Variants in AKT2 observed in about 807,000 individuals in gnomAD.
AKT2 encodes the protein AKT serine/threonine kinase 2, also known as RAC-beta serine/threonine-protein kinase.
A neutral mutation model predicts 58.6 loss-of-function variants in AKT2; 16 were observed. The ratio of observed to expected loss-of-function variants is 0.27; its 90% CI spans 0.18 to 0.41. The LOEUF (loss-of-function observed/expected upper bound fraction) is 0.41. Ranked by LOEUF, AKT2 falls within the 10% of genes least tolerant of loss-of-function variation. AKT2 has a pLI of 1.00. For missense variants in AKT2, 438 were observed against 661.0 expected (o/e 0.66, Z 3.70); for synonymous variants, 253 against 254.0 (o/e 1.00, Z 0.04).
chr19:40,257,301 G>A (rs1975607937), intron 2 of AKT2, among the ~76,000 whole-genome samples: 1 of 152,246 alleles, frequency 6.6e-6, no homozygotes, highest in Non-Finnish European at 1.5e-5. Context: ...GCCAGCAGCA[G>A]TGCCCTGGGG....
chr19:40,253,784 G>A (rs1054696679), intron 4 of AKT2, among the ~76,000 whole-genome samples: 2 of 152,120 alleles, frequency 1.3e-5, no homozygotes, highest in Admixed American at 1.3e-4. Context: ...ATGAGCCAAA[G>A]GCTGGAAACA....
chr19:40,245,561 C>T (rs1974697743), intron 4 of AKT2, among the ~76,000 whole-genome samples: 1 of 152,174 alleles, frequency 6.6e-6, no homozygotes, highest in African/African-American at 2.4e-5. Context: ...AAGGAACAGC[C>T]TCTAATAACA....
intron 4 of AKT2, among the ~76,000 whole-genome samples, chr19:40,246,992 C>T (rs1027066803): frequency 3.3e-5 from 5 of 152,222 alleles, no homozygotes; most frequent in Admixed American, 2.6e-4. Flanking sequence ...ACCCCACCTA[C>T]CCTGGCTCCC....
At chr19:40,269,630 T>C (rs1229625315) in intron 1 of AKT2, 2 of 152,146 alleles carry the variant, frequency 1.3e-5, no homozygotes, top group African/African-American at 2.4e-5. Flanking sequence ...TACAAAAGAC[T>C]TGTACTACAA....
intron 6 of AKT2, among the ~76,000 whole-genome samples, chr19:40,240,570 C>T (rs1332962271): frequency 1.3e-5 from 2 of 152,214 alleles, no homozygotes; most frequent in African/African-American, 4.8e-5. Flanking sequence ...TACCCCCAGG[C>T]CCACTGAGTC....
At chr19:40,240,921 G>A (rs1974366372) in intron 6 of AKT2, 1 of 153,936 alleles carries the variant, frequency 6.5e-6, no homozygotes, top group Non-Finnish European at 1.4e-5. Flanking sequence ...TGAGCAGCTG[G>A]GACTACAGGT....
At chr19:40,264,778 C>A (rs770679708) in intron 2 of AKT2, among the ~76,000 whole-genome samples, 1 of 152,062 alleles carries the variant, frequency 6.6e-6, no homozygotes, top group African/African-American at 2.4e-5. Context: ...GCACTTGCCA[C>A]CCCGACATTC....
At chr19:40,272,071 C>T (rs1254764502) in intron 1 of AKT2, among the ~76,000 whole-genome samples, 38 of 152,228 alleles carry the variant, frequency 2.5e-4, no homozygotes, top group East Asian at 1.9e-4. Context: ...TTGAGTGCTT[C>T]GCACATACCA....
rs1011787978 is a variant in AKT2 at position 40,242,229 on chromosome 19, C to T, written c.442-160G>A. The T allele has an allele frequency of 5.8e-5, 65 of 1,114,284 alleles. No homozygotes were observed. Among genetic ancestry groups the T allele is most frequent in the Middle Eastern group, 2.8e-4 (1 of 3,522 alleles). 69.0% of individuals were successfully genotyped at this position (1,114,284 alleles called of 1,614,324 possible). A position where few individuals can be genotyped will look rare whatever the true frequency, so the allele number is the denominator to read the frequency against. ...TGGGCAGCAACTGTGTGTTCTGAAG[C>T]GGCCTTCAGACCAGGCTCTGCAGGC... On this transcript the variant is annotated intron_variant, in intron 5 of 13. Coordinates refer to ENST00000392038, the MANE Select transcript of AKT2 (RefSeq NM_001626.6). The surrounding 1 kb of genome is among the most constrained non-coding windows in gnomAD (Gnocchi z 4.3).
intron 6 of AKT2, chr19:40,241,477 C>A: frequency 4.0e-6 from 1 of 249,798 alleles, no homozygotes; most frequent in Non-Finnish European, 7.9e-6. Context: ...TTAAACTGGA[C>A]AATGGCTACA....
At chr19:40,275,092 C>T (rs746647455) in intron 1 of AKT2, 1 of 456,648 alleles carries the variant, frequency 2.2e-6, no homozygotes, top group Non-Finnish European at 4.4e-6. Context: ...GGGAGAGATT[C>T]GGTGAATACC....
At chr19:40,258,868 T>G (rs1369628443) in intron 2 of AKT2, among the ~76,000 whole-genome samples, 6 of 152,116 alleles carry the variant, frequency 3.9e-5, no homozygotes, top group African/African-American at 1.2e-4. Flanking sequence ...CCTATCAAAA[T>G]TCCAACAGGC....
At position 40,256,955 on chromosome 19, in the gene AKT2, A is replaced by G. The variant is rs201917021; in HGVS notation, c.146T>C (p.Leu49Pro). Residue 49 changes from leucine to proline, a missense_variant, in exon 3 of 14, where the codon CTA (leucine) becomes CCA (proline). Physicochemically the swap from Leu to Pro is moderately conservative, Grantham distance 98 (BLOSUM62 -3). Around this residue, in one of 3 missense-constraint regions of AKT2, gnomAD observed 244 missense variants for 347.1 expected, o/e 0.70. Transcript: ENST00000392038. ...KERPEAPDQT[L>P]PPLNNFSVAE... ...TACGGAGAAGTTGTTTAAGGGGGGT[A>G]GAGTCTGATCAGGGGCCTCGGGCCT... The G allele has an allele frequency of 2.5e-6, 4 of 1,614,180 alleles. No homozygotes were observed. In the East Asian group the frequency reaches 6.7e-5, roughly 27 times the overall value.
At chr19:40,269,681 A>G (rs901063340) in intron 1 of AKT2, 1 of 152,256 alleles carries the variant, frequency 6.6e-6, no homozygotes, top group Non-Finnish European at 1.5e-5. Flanking sequence ...CAAACTGGTA[A>G]CAGACCAGGA....
At chr19:40,280,469 C>T (rs1375129767) in intron 1 of AKT2, among the ~76,000 whole-genome samples, 1 of 152,158 alleles carries the variant, frequency 6.6e-6, no homozygotes, top group East Asian at 1.9e-4. Flanking sequence ...AATCTACCCA[C>T]GCCCCCAGGC....
In AKT2 at chr19:40,235,816, G is replaced by A. The variant is rs1269732398; in HGVS notation, c.1175+74C>T. The A allele has an allele frequency of 1.3e-5, 19 of 1,454,352 alleles. No individual in the cohort carries two copies. The highest frequency in any genetic ancestry group is 1.8e-5 in the Non-Finnish European group (19 of 1,077,668). 90.1% of individuals were successfully genotyped at this position (1,454,352 alleles called of 1,614,324 possible). A position where few individuals can be genotyped will look rare whatever the true frequency, so the allele number is the denominator to read the frequency against. ...CCTACAAGCGAGCACCCTTGTGGAC[G>A]CTGCCCCCTCCAGGCCGCAGGGACA... On this transcript the variant is annotated intron_variant, in intron 11 of 13. Transcript: ENST00000392038. This position sits in a 1 kb window ranked among gnomAD's most constrained non-coding sequence, Gnocchi z 6.3.
At chr19:40,282,297 T>C in intron 1 of AKT2, 1 of 346,594 alleles carries the variant, frequency 2.9e-6, no homozygotes, top group Admixed American at 3.9e-5. Flanking sequence ...GACGTCCTTC[T>C]GAGACCACTG....
chr19:40,236,453 C>T, intron 9 of AKT2, 68 bp from the exon 10 acceptor site: 3 of 1,607,870 alleles, frequency 1.9e-6, no homozygotes, highest in Non-Finnish European at 2.5e-6. Context: ...GCCTTTCCTT[C>T]CAGGGAAAGA....
At position 40,233,378 on chromosome 19, in the gene AKT2, C is replaced by A; in HGVS notation, c.*494G>T. On this transcript the variant is annotated 3_prime_UTR_variant, in exon 14 of 14. Coordinates refer to ENST00000392038, the MANE Select transcript of AKT2 (RefSeq NM_001626.6). This position sits in a 1 kb window ranked among gnomAD's most constrained non-coding sequence, Gnocchi z 4.3. ...CTTTTCTGCCCCCATAGGGGGACAG[C>A]GGGTGGGGGATTGGACCGCCCCGTG... 2.3e-6 allele frequency: 1 copy of A among 428,960 alleles called. No individual in the cohort carries two copies. Among genetic ancestry groups the A allele is most frequent in the Admixed American group, 3.5e-5 (1 of 28,252 alleles). 26.6% of individuals were successfully genotyped at this position (428,960 alleles called of 1,614,324 possible).
Sources: allele counts gnomAD v4.1 joint callset (sites outside exome capture counted in the v4.1 genomes callset), GRCh38; gene constraint gnomAD v4.1.1; regional missense constraint gnomAD v4.1.1; non-coding constraint Gnocchi (gnomAD v3.1); transcripts MANE v1.5; gene names NCBI Gene and HGNC (gene_info 2026-07-23, HGNC 2026-07-21).